RUNDC3A: variants seen among roughly 807,000 people sequenced by gnomAD.
The protein encoded by RUNDC3A is RUN domain containing 3A, also known as RUN domain-containing protein 3A.
A neutral mutation model predicts 53.9 loss-of-function variants in RUNDC3A; 28 were observed. The observed-to-expected ratio is 0.52, with a 90% CI of 0.38 to 0.71. The LOEUF (loss-of-function observed/expected upper bound fraction) is 0.71. Among genes scored for constraint, RUNDC3A ranks in the 30% least tolerant of loss-of-function variants. RUNDC3A has a pLI of 0.00. For synonymous variants in RUNDC3A, 232 were observed against 249.4 expected (o/e 0.93, Z 0.66); for missense variants, 491 against 597.3 (o/e 0.82, Z 1.85).
chr17:44,308,754 C>A lies in RUNDC3A; in HGVS notation c.-79C>A. Reference sequence around the variant, plus strand: ...GGGCCCCGTCGGACAGAGGGCCCAGCCGTGATCCAGCGACGGGTTTGGGGC... The same window carrying A: ...GGGCCCCGTCGGACAGAGGGCCCAGACGTGATCCAGCGACGGGTTTGGGGC... On this transcript the variant is annotated 5_prime_UTR_variant, in exon 1 of 11. Coordinates refer to ENST00000426726, the MANE Select transcript of RUNDC3A (RefSeq NM_001144825.2). 1.0e-6 allele frequency: 1 copy of A among 973,824 alleles called. No homozygotes were observed. Among genetic ancestry groups the A allele is most frequent in the Non-Finnish European group, 1.5e-6 (1 of 665,008 alleles). 60.3% of individuals were successfully genotyped at this position (973,824 alleles called of 1,614,324 possible).
rs777433444 is a variant in RUNDC3A at position 44,308,792 on chromosome 17, G to T, written c.-41G>T. The T allele has an allele frequency of 2.7e-5, 37 of 1,387,500 alleles. No homozygotes were observed. The South Asian group carries it at 3.3e-4, about 12-fold the overall frequency. The allele number at this position is 1,387,500 out of a possible 1,614,324, so 85.9% of individuals were successfully genotyped here. A position where few individuals can be genotyped will look rare whatever the true frequency, so the allele number is the denominator to read the frequency against. Reference sequence around the variant, plus strand: ...ACGGGTTTGGGGCTCCGGGAGGGGTGGGGGGGCAGCGGGCGGCGGCAGCAG... The same window carrying T: ...ACGGGTTTGGGGCTCCGGGAGGGGTTGGGGGGCAGCGGGCGGCGGCAGCAG... On this transcript the variant is annotated 5_prime_UTR_variant, in exon 1 of 11. Coordinates refer to ENST00000426726, the MANE Select transcript of RUNDC3A (RefSeq NM_001144825.2).
rs757311105 is a variant in RUNDC3A at position 44,316,526 on chromosome 17, A to C, written c.1091+4A>C. 2.3e-5 allele frequency: 37 copies of C among 1,611,100 alleles called. No individual in the cohort carries two copies. The Admixed American group carries it at 6.0e-4, about 26-fold the overall frequency. On this transcript the variant is annotated splice_donor_region_variant and intron_variant, in intron 9 of 10. Transcript: ENST00000426726. ...GCAACTCCAAGCTCTACCGGAGGTA[A>C]GCCCCAGCCAGGTGGGGCTTGGGCC...
chr17:44,311,475 G>T, intron 1 of RUNDC3A: 1 of 437,124 alleles, frequency 2.3e-6, no homozygotes, highest in Non-Finnish European at 3.0e-6. Context: ...GGGGATGAGA[G>T]TAATACTAAG....
In RUNDC3A at chr17:44,318,413, G is replaced by A. The variant is rs993599954; in HGVS notation, c.*175G>A. 14 of 785,048 alleles carry A rather than the reference G, an allele frequency of 1.8e-5. No individual in the cohort carries two copies. Among genetic ancestry groups the A allele is most frequent in the African/African-American group, 1.0e-4 (6 of 57,562 alleles). 48.6% of individuals were successfully genotyped at this position (785,048 alleles called of 1,614,324 possible). On this transcript the variant is annotated 3_prime_UTR_variant, in exon 11 of 11. Transcript: ENST00000426726. ...CCTTAGCTTTCTGCCTTGGCAGCAC[G>A]GGCTGCGGAAGAAAGCACGCTGGGC...
At chr17:44,316,238 C>T in intron 8 of RUNDC3A, 147 bp from the exon 9 acceptor site, 1 of 688,304 alleles carries the variant, frequency 1.5e-6, no homozygotes, top group Non-Finnish European at 2.4e-6. Flanking sequence ...CCACTTCCTC[C>T]CGGGATCTGG....
chr17:44,313,251 A>C lies in RUNDC3A; in HGVS notation c.371A>C (p.Lys124Thr), dbSNP rs780297731. ...GAGAACATCAGCACAGCCCGGGCCA[A>C]GGTGAGGGGCCTGAAGCAAGCAACT... ...NMENISTARA[K>T]GRAWIRVALM... The change falls in exon 3 of 11, where the codon AAG becomes ACG. Residue 124 changes from lysine to threonine, a missense_variant and splice_region_variant. By Grantham distance (78) the Lys-to-Thr change is moderately conservative. Coordinates refer to ENST00000426726, the MANE Select transcript of RUNDC3A (RefSeq NM_001144825.2). 1 of 1,613,876 alleles carries C rather than the reference A, an allele frequency of 6.2e-7. No homozygotes were observed.
At chr17:44,318,068 C>A (rs1229812322) in intron 10 of RUNDC3A, 28 bp from the exon 11 acceptor site, 2 of 1,547,396 alleles carry the variant, frequency 1.3e-6, no homozygotes, top group Non-Finnish European at 1.7e-6. Flanking sequence ...AGACTGGTCG[C>A]TTGGCCTCAC....
chr17:44,318,550 G>A lies in RUNDC3A; in HGVS notation c.*312G>A. ...TCCCCTGCCCCCTCAGGAACTGGTG[G>A]CCCAGCTTCCACACCCCCACCTCCC... On this transcript the variant is annotated 3_prime_UTR_variant, in exon 11 of 11. Transcript: ENST00000426726. 2.9e-6 allele frequency: 1 copy of A among 341,594 alleles called. No individual in the cohort carries two copies. Among genetic ancestry groups the A allele is most frequent in the Non-Finnish European group, 5.5e-6 (1 of 182,166 alleles). The allele number at this position is 341,594 out of a possible 1,614,324, so 21.2% of individuals were successfully genotyped here. A position where few individuals can be genotyped will look rare whatever the true frequency, so the allele number is the denominator to read the frequency against.
chr17:44,314,874 T>A, intron 5 of RUNDC3A, 50 bp downstream of exon 5: 1 of 1,613,920 alleles, frequency 6.2e-7, no homozygotes, highest in Non-Finnish European at 8.5e-7. Flanking sequence ...CCCCCATAAA[T>A]GTCCTACCCC....
chr17:44,309,503 G>C (rs111580429), intron 1 of RUNDC3A, among the ~76,000 whole-genome samples: 2 of 152,300 alleles, frequency 1.3e-5, no homozygotes, highest in Admixed American at 6.5e-5. Flanking sequence ...CCAGGTTCAA[G>C]GGGAGAAGAT....
intron 4 of RUNDC3A, 94 bp downstream of exon 4, chr17:44,313,597 G>C: frequency 6.7e-7 from 1 of 1,481,834 alleles, no homozygotes. Flanking sequence ...GCATCCTTCA[G>C]TTCCTGGACT....
Position 44,318,388 on chromosome 17 carries a change from C to T in RUNDC3A, c.*150C>T. On this transcript the variant is annotated 3_prime_UTR_variant, in exon 11 of 11. Transcript: ENST00000426726. ...TCTCGGGGAAGATCTCGTCTGCTCA[C>T]CTTAGCTTTCTGCCTTGGCAGCACG... is the stretch of plus-strand genomic sequence containing the variant. 1 of 921,170 alleles carries T rather than the reference C, an allele frequency of 1.1e-6. No individual in the cohort carries two copies. Among genetic ancestry groups the T allele is most frequent in the Non-Finnish European group, 1.6e-6 (1 of 623,150 alleles). 57.1% of individuals were successfully genotyped at this position (921,170 alleles called of 1,614,324 possible).
At chr17:44,309,275 T>G (rs2047703866) in intron 1 of RUNDC3A, among the ~76,000 whole-genome samples, 1 of 151,826 alleles carries the variant, frequency 6.6e-6, no homozygotes, top group South Asian at 2.1e-4. Flanking sequence ...TGGGGCAGGA[T>G]GGACAGAGGG....
In RUNDC3A at chr17:44,314,673, CTG is replaced by C. The variant is rs1491272556; in HGVS notation, c.459-61_459-60del. ...TGGCAGTAAGCCAACAATAGCAGCT[CTG>C]GGGGGGGGGGGGGCGCTCCAGGGGC... On this transcript the variant is annotated intron_variant, in intron 4 of 10. Coordinates refer to ENST00000426726, the MANE Select transcript of RUNDC3A (RefSeq NM_001144825.2). The C allele has an allele frequency of 8.0e-3, 4,749 of 597,164 alleles. 148 individuals are homozygous for C. The highest frequency in any genetic ancestry group is 9.2e-3 in the Non-Finnish European group (3,620 of 391,444). The allele number at this position is 597,164 out of a possible 1,614,324, so 37.0% of individuals were successfully genotyped here.
chr17:44,313,081 GCC>G, intron 2 of RUNDC3A, 21 bp from the exon 3 acceptor site: 1 of 1,611,614 alleles, frequency 6.2e-7, no homozygotes, highest in Non-Finnish European at 8.5e-7. Context: ...GTCTTGCTGA[GCC>G]CCCTCCCTGC....
intron 4 of RUNDC3A, chr17:44,313,907 T>G (rs2047800751): frequency 1.1e-6 from 1 of 927,914 alleles, no homozygotes; most frequent in Non-Finnish European, 1.3e-6. Context: ...CAACCTCAGG[T>G]GATCCTCCCG....
rs1567859395 is a variant in RUNDC3A, at chr17:44,318,129, G to A, written c.1232G>A (p.Cys411Tyr). ...CCCACGCCCTCCATGCTGGGCCTCT[G>A]CGGCTCCCTGGCCTCCATTCCCAGC... ...KDPTPSMLGL[C>Y]GSLASIPSCK... The change falls in exon 11 of 11, where the codon TGC becomes TAC. Residue 411 changes from cysteine to tyrosine, a missense_variant. By Grantham distance (194) the Cys-to-Tyr change is radical. Coordinates refer to ENST00000426726, the MANE Select transcript of RUNDC3A (RefSeq NM_001144825.2). 3.9e-6 allele frequency: 6 copies of A among 1,551,518 alleles called. No homozygotes were observed. The highest frequency in any genetic ancestry group is 4.4e-6 in the Non-Finnish European group (5 of 1,146,972).
rs1409909572 is a variant in RUNDC3A, at chr17:44,315,134, C to A, written c.630-21C>A. 1.3e-6 allele frequency: 2 copies of A among 1,583,758 alleles called. No homozygotes were observed. The highest frequency in any genetic ancestry group is 3.6e-5 in the Admixed American group (2 of 55,318). On this transcript the variant is annotated intron_variant, in intron 6 of 10. Coordinates refer to ENST00000426726, the MANE Select transcript of RUNDC3A (RefSeq NM_001144825.2). The surrounding 1 kb of genome is among the most constrained non-coding windows in gnomAD (Gnocchi z 6.1). ...GGGGGGAGGGGCGGGACCGGCCGTG[C>A]CCACTGCTCCCTCTCCCAAGCTACG...
chr17:44,313,622 C>T, intron 4 of RUNDC3A, 119 bp downstream of exon 4: 1 of 1,436,960 alleles, frequency 7.0e-7, no homozygotes, highest in Non-Finnish European at 9.1e-7. Flanking sequence ...GTCCCAGCAC[C>T]AGCACACATG....
Sources: gnomAD v4.1 joint callset for allele counts (sites outside exome capture counted in the v4.1 genomes callset) on GRCh38, gnomAD v4.1.1 for gene constraint, Gnocchi (gnomAD v3.1) non-coding constraint, MANE v1.5 for transcripts, NCBI Gene and HGNC (gene_info 2026-07-23, HGNC 2026-07-21) for gene names.